DYSF: variants seen among roughly 807,000 people sequenced by gnomAD.
DYSF encodes dysferlin, also known as dystrophy-associated fer-1-like 1.
DYSF carries 212 observed loss-of-function variants against 274.9 expected under a neutral mutation model. The observed-to-expected ratio is 0.77, with a 90% confidence interval of 0.69 to 0.86. The LOEUF (loss-of-function observed/expected upper bound fraction) is 0.86, where lower values mean the gene tolerates loss of function less well. DYSF is among the 40% of genes least tolerant of loss of function. DYSF has a pLI of 0.00. For synonymous variants in DYSF, 1,091 were observed against 1,078.7 expected, an observed-to-expected ratio of 1.01 and a Z score of -0.22; for missense variants, 2,666 against 2,783.2, an observed-to-expected ratio of 0.96 and a Z score of 0.95.
chr2:71,470,673 CAAAAAAAAAA>C (rs776955310), intron 1 of DYSF, among the ~76,000 whole-genome samples: 4,012 of 57,722 alleles, frequency 0.07, 125 homozygotes, highest in Non-Finnish European at 0.084. Context: ...GACTCCATCT[CAAAAAAAAAA>C]AAAAAAAAAA....
intron 36 of DYSF, chr2:71,610,852 G>A: frequency 3.0e-6 from 1 of 329,670 alleles, no homozygotes; most frequent in East Asian, 7.8e-5. Flanking sequence ...GGTCCTCTCT[G>A]GGACTGAGAG....
upstream of DYSF, among the ~76,000 whole-genome samples, chr2:71,465,383 G>A (rs750570830): frequency 2.6e-5 from 4 of 152,158 alleles, no homozygotes; most frequent in African/African-American, 9.7e-5. Flanking sequence ...TCTCTGCTCC[G>A]TAAAGAGGAA....
rs2089658788 is a variant in DYSF, at chr2:71,539,032, C to A, written c.1494-125C>A. On this transcript the variant is annotated intron_variant, in intron 16 of 55. Transcript: ENST00000410020. ...CTCAGTAACATACCAAAGTGAAGACCAGAAGCGCTCTCTGCCTGCCCCCCG... is the reference window on the plus strand; with the variant it reads ...CTCAGTAACATACCAAAGTGAAGACAAGAAGCGCTCTCTGCCTGCCCCCCG... The A allele has an allele frequency of 6.3e-6, 5 of 799,904 alleles. No homozygotes were observed. In the South Asian group the frequency reaches 6.9e-5, roughly 11 times the overall value. 49.6% of individuals were successfully genotyped at this position (799,904 alleles called of 1,614,324 possible).
rs72898896 is a variant in DYSF, at chr2:71,513,241, C to T, written c.462C>T (p.Gly154=). The T allele has an allele frequency of 3.8e-4, 587 of 1,551,524 alleles. No individual in the cohort carries two copies. In the African/African-American group the frequency reaches 6.7e-3, roughly 18 times the overall value. The change falls in exon 6 of 56, where the codon GGC becomes GGT. Residue 154 remains glycine, a splice_region_variant and synonymous_variant. Transcript: ENST00000410020. ...PTLPDLDVVA[G]GGQSRAETWS... ...GGTTATGCCCTGCCCACAAGACAGG[C>T]GGGGGACAGAGCCGGGCCGAGACTT...
At chr2:71,591,340 C>T (rs1222434764) in intron 32 of DYSF, among the ~76,000 whole-genome samples, 2 of 152,242 alleles carry the variant, frequency 1.3e-5, no homozygotes, top group Non-Finnish European at 2.9e-5. Flanking sequence ...GAGGCCTTCC[C>T]CTCTGCACAG....
intron 42 of DYSF, among the ~76,000 whole-genome samples, chr2:71,652,924 T>G (rs1001900626): frequency 6.6e-6 from 1 of 152,232 alleles, no homozygotes; most frequent in Non-Finnish European, 1.5e-5. Flanking sequence ...CCTAACCATT[T>G]AGCAAAAAAT....
chr2:71,456,823 G>A (rs1335470152), intron 1 of DYSF, among the ~76,000 whole-genome samples: 1 of 152,094 alleles, frequency 6.6e-6, no homozygotes, highest in African/African-American at 2.4e-5. Context: ...AGTATCCTTG[G>A]TGCATGAATA....
At chr2:71,495,649 G>A (rs997046008) in intron 3 of DYSF, among the ~76,000 whole-genome samples, 14 of 152,152 alleles carry the variant, frequency 9.2e-5, no homozygotes, top group Middle Eastern at 3.4e-3. Flanking sequence ...AGTCTGAGCC[G>A]TACCCACTCC....
At chr2:71,667,952 A>G (rs919932284) in intron 48 of DYSF, among the ~76,000 whole-genome samples, 1 of 151,888 alleles carries the variant, frequency 6.6e-6, no homozygotes, top group Non-Finnish European at 1.5e-5. Flanking sequence ...TGACAAAGCC[A>G]CCCACAGAGA....
At position 71,482,001 on chromosome 2, in the gene DYSF, C is replaced by G. The variant is rs78958249; in HGVS notation, c.239+31C>G. 7,255 of 1,570,556 alleles carry G rather than the reference C, an allele frequency of 4.6e-3. 290 individuals are homozygous for G. In the African/African-American group the frequency reaches 0.087, roughly 19 times the overall value. ...GTGGCCAGAGGGGGGTGCTCCATGG[C>G]TTGAAGGTGCAGGTAGGATTGTGGA... On this transcript the variant is annotated intron_variant, in intron 3 of 55. Coordinates refer to ENST00000410020, the MANE Select transcript of DYSF (RefSeq NM_001130987.2).
chr2:71,559,498 C>T (rs2091574439), intron 22 of DYSF, among the ~76,000 whole-genome samples: 1 of 152,236 alleles, frequency 6.6e-6, no homozygotes, highest in Non-Finnish European at 1.5e-5. Flanking sequence ...CCAGGAAAAG[C>T]CCCTGCTCTC....
At chr2:71,534,740 G>T (rs1573806533) in intron 14 of DYSF, among the ~76,000 whole-genome samples, 2 of 152,122 alleles carry the variant, frequency 1.3e-5, no homozygotes, top group Non-Finnish European at 2.9e-5. Context: ...GGGATTTTCA[G>T]CCAGAGGTGT....
intron 12 of DYSF, among the ~76,000 whole-genome samples, chr2:71,523,510 T>A (rs901968311): frequency 6.6e-6 from 1 of 151,546 alleles, no homozygotes; most frequent in Non-Finnish European, 1.5e-5. Context: ...TCTTACGTTA[T>A]ACTTCACCTA....
At chr2:71,623,581 C>T (rs562574678) in intron 41 of DYSF, among the ~76,000 whole-genome samples, 1 of 152,194 alleles carries the variant, frequency 6.6e-6, no homozygotes, top group South Asian at 2.1e-4. Flanking sequence ...ACTTGTGTGT[C>T]ATGTCATCCT....
At chr2:71,504,882 C>G (rs1036961670) in intron 4 of DYSF, among the ~76,000 whole-genome samples, 2 of 152,252 alleles carry the variant, frequency 1.3e-5, no homozygotes, top group African/African-American at 4.8e-5. Context: ...TGTTCCCACA[C>G]TGTCTGGGCT....
chr2:71,669,739 C>A lies in DYSF; in HGVS notation c.5777C>A (p.Ala1926Asp). ...YLPAEQVCTIAKKDAFWRLDK... is the reference protein window; with the variant it reads ...YLPAEQVCTIDKKDAFWRLDK... ...CCAGCTGAGCAAGTCTGTACCATTG[C>A]CAAGAAGGTCAGTGTCCTTCCGATT... The change falls in exon 51 of 56, where the codon GCC (alanine) becomes GAC (aspartate). Residue 1926 changes from alanine to aspartate, a missense_variant. Physicochemically the swap from Ala to Asp is moderately radical, Grantham distance 126. Around this residue, in one of 3 missense-constraint regions of DYSF, gnomAD observed 1,460 missense variants for 1,502.1 expected, o/e 0.97. Transcript: ENST00000410020. 6.2e-7 allele frequency: 1 copy of A among 1,614,202 alleles called. No individual in the cohort carries two copies. Among genetic ancestry groups the A allele is most frequent in the Non-Finnish European group, 8.5e-7 (1 of 1,180,024 alleles).
upstream of DYSF, among the ~76,000 whole-genome samples, chr2:71,466,464 A>G (rs1044715275): frequency 1.3e-5 from 2 of 152,102 alleles, no homozygotes; most frequent in African/African-American, 4.8e-5. Context: ...AGCAGGCCCC[A>G]CGGCGCCTTG....
At chr2:71,621,960 ATTC>A (rs2094112939) in intron 41 of DYSF, among the ~76,000 whole-genome samples, 1 of 152,084 alleles carries the variant, frequency 6.6e-6, no homozygotes, top group Non-Finnish European at 1.5e-5. Flanking sequence ...CACCCAGCCT[ATTC>A]TTATATTCTT....
rs747622900 is a variant in DYSF at position 71,553,207 on chromosome 2, C to T, written c.1984+19C>T. On this transcript the variant is annotated intron_variant, in intron 20 of 55. Transcript: ENST00000410020. ...TTTGACGGTGAGGCAGTGCTCCTGG[C>T]TGGGACCCCGATCACAGGATCATAG... 20 of 1,613,842 alleles carry T rather than the reference C, an allele frequency of 1.2e-5. No homozygotes were observed. In the Admixed American group the frequency reaches 3.2e-4, roughly 26 times the overall value.
Sources: gnomAD v4.1 joint callset for allele counts (sites outside exome capture counted in the v4.1 genomes callset) on GRCh38, gnomAD v4.1.1 for gene constraint, gnomAD v4.1.1 regional missense constraint, MANE v1.5 for transcripts, NCBI Gene and HGNC (gene_info 2026-07-23, HGNC 2026-07-21) for gene names.